Variants in LINGO2 observed in about 807,000 individuals in gnomAD.
LINGO2 encodes leucine rich repeat and Ig domain containing 2.
Under a neutral mutation model 30.6 loss-of-function variants are expected in LINGO2, and 14 were observed. The observed-to-expected ratio is 0.46, with a 90% CI of 0.30 to 0.72. The LOEUF is 0.72. Ranked by LOEUF, LINGO2 falls within the 30% of genes least tolerant of loss-of-function variation. The probability of loss-of-function intolerance (pLI) is 0.07; values close to 1 mark genes in which losing one functional copy is unlikely to be tolerated. For synonymous variants in LINGO2, 317 were observed against 288.5 expected (o/e 1.10, Z -1.00); for missense variants, 729 against 751.7 (o/e 0.97, Z 0.35).
chr9:28,422,501 TA>T (rs59889126), intron 2 of LINGO2, among the ~76,000 whole-genome samples: 19,278 of 151,882 alleles, frequency 0.13, 1,425 homozygotes, highest in East Asian at 0.24. Context: ...TGGCTACTAT[TA>T]AAAAAGAAAG....
chr9:28,320,129 C>T (rs1480905422), intron 3 of LINGO2, among the ~76,000 whole-genome samples: 3 of 152,060 alleles, frequency 2.0e-5, no homozygotes, highest in Non-Finnish European at 4.4e-5. Context: ...TCAGTTGTTC[C>T]AGTTTTGCAT....
intron 5 of LINGO2, among the ~76,000 whole-genome samples, chr9:27,996,396 A>G (rs1448305297): frequency 6.6e-6 from 1 of 152,192 alleles, no homozygotes; most frequent in African/African-American, 2.4e-5. Flanking sequence ...ATGTCCATCA[A>G]TGGACAAATA....
At chr9:28,175,957 A>C (rs1336901188) in intron 4 of LINGO2, among the ~76,000 whole-genome samples, 1 of 152,222 alleles carries the variant, frequency 6.6e-6, no homozygotes, top group Non-Finnish European at 1.5e-5. Flanking sequence ...TTATACTGAT[A>C]TGACCTCATC....
chr9:28,233,137 GTCTGTGTGTGTGTGTGTGCGTA>G (rs1269028348), intron 4 of LINGO2, among the ~76,000 whole-genome samples: 1 of 144,760 alleles, frequency 6.9e-6, no homozygotes, highest in African/African-American at 2.6e-5. Context: ...TGTATGTGTG[GTCTGTGTGTGTGTGTGTGCGTA>G]TCTGTGTGTG....
chr9:28,476,415 A>C (rs991709164), intron 1 of LINGO2, among the ~76,000 whole-genome samples: 26 of 152,208 alleles, frequency 1.7e-4, no homozygotes, highest in African/African-American at 6.0e-4. Flanking sequence ...AGCTGGGACT[A>C]CAGGCGCCCG....
chr9:28,105,213 G>T (rs1228272315), intron 4 of LINGO2, among the ~76,000 whole-genome samples: 1 of 152,128 alleles, frequency 6.6e-6, no homozygotes, highest in Non-Finnish European at 1.5e-5. Flanking sequence ...ACACCAGGGG[G>T]TGGTTTTTCT....
intron 1 of LINGO2, among the ~76,000 whole-genome samples, chr9:28,562,336 A>G (rs1823133617): frequency 6.6e-6 from 1 of 151,570 alleles, no homozygotes; most frequent in African/African-American, 2.4e-5. Context: ...GGCTTTCCTG[A>G]CCGCCAGTTT....
intron 4 of LINGO2, among the ~76,000 whole-genome samples, chr9:28,172,035 A>AAAC (rs61562587): frequency 0.13 from 6,482 of 49,446 alleles, 410 homozygotes; most frequent in South Asian, 0.19. Flanking sequence ...AAAAAAAAAC[A>AAAC]AAAAAAAAAA....
intron 2 of LINGO2, among the ~76,000 whole-genome samples, chr9:28,404,440 T>A (rs148441986): frequency 0.026 from 4,010 of 152,254 alleles, 89 homozygotes; most frequent in Non-Finnish European, 0.036. Context: ...AAACTGAAAG[T>A]CTCATAGATG....
chr9:28,101,692 T>C (rs1444812228), intron 4 of LINGO2, among the ~76,000 whole-genome samples: 1 of 152,164 alleles, frequency 6.6e-6, no homozygotes, highest in Admixed American at 6.5e-5. Context: ...AGTTAAACTA[T>C]TGCAACAGAA....
intron 4 of LINGO2, among the ~76,000 whole-genome samples, chr9:28,045,161 C>A (rs574633764): frequency 6.6e-6 from 1 of 152,052 alleles, no homozygotes; most frequent in African/African-American, 2.4e-5. Context: ...ATTCCCACCA[C>A]TACCCCTCCA....
intron 1 of LINGO2, among the ~76,000 whole-genome samples, chr9:28,656,128 T>G (rs896617810): frequency 6.6e-6 from 1 of 152,088 alleles, no homozygotes; most frequent in African/African-American, 2.4e-5. Flanking sequence ...CTGACCTTCA[T>G]GCTGAAGACA....
At chr9:28,320,087 C>T (rs1013052073) in intron 3 of LINGO2, among the ~76,000 whole-genome samples, 3 of 152,084 alleles carry the variant, frequency 2.0e-5, no homozygotes, top group Non-Finnish European at 4.4e-5. Context: ...GCAAAATATA[C>T]TTTGTGCACC....
chr9:28,694,241 T>C, the LINGO2 span, among the ~76,000 whole-genome samples: 3 of 151,910 alleles, frequency 2.0e-5, no homozygotes, highest in Admixed American at 1.3e-4. Flanking sequence ...TAATCTAATA[T>C]ATTAAAATAT....
At chr9:28,936,236 C>G in the LINGO2 span, among the ~76,000 whole-genome samples, 1 of 152,074 alleles carries the variant, frequency 6.6e-6, no homozygotes, top group Non-Finnish European at 1.5e-5. Flanking sequence ...CATATCTTTT[C>G]TTTAAATTAA....
At chr9:29,172,826 AT>A in the LINGO2 span, among the ~76,000 whole-genome samples, 2 of 152,006 alleles carry the variant, frequency 1.3e-5, no homozygotes, top group South Asian at 4.1e-4. Context: ...TTACATGGCA[AT>A]TAAATTTGAT....
intron 4 of LINGO2, among the ~76,000 whole-genome samples, chr9:28,182,183 C>T (rs574147371): frequency 9.2e-5 from 14 of 152,022 alleles, no homozygotes; most frequent in Non-Finnish European, 1.3e-4. Context: ...ATCTGATCTT[C>T]GACAAACCTG....
chr9:28,720,309 T>C, the LINGO2 span, among the ~76,000 whole-genome samples: 2 of 152,082 alleles, frequency 1.3e-5, no homozygotes, highest in South Asian at 4.1e-4. Flanking sequence ...TTCAGAGATG[T>C]TTCTGAACTG....
chr9:28,300,908 A>C (rs1360575460), intron 3 of LINGO2, among the ~76,000 whole-genome samples: 5 of 150,958 alleles, frequency 3.3e-5, no homozygotes, highest in Non-Finnish European at 7.4e-5. Context: ...TTTGAGTAGA[A>C]AATAATTCAT....
Sources: gnomAD v4.1 joint callset for allele counts (sites outside exome capture counted in the v4.1 genomes callset) on GRCh38, gnomAD v4.1.1 for gene constraint, MANE v1.5 for transcripts, NCBI Gene and HGNC (gene_info 2026-07-23, HGNC 2026-07-21) for gene names.